The following GCC2 variants were observed in gnomAD, a reference collection of about 807,000 sequenced individuals.
GCC2 encodes GRIP and coiled-coil domain containing 2.
In GCC2, 120 loss-of-function variants were observed where a neutral mutation model predicts 210.6. That is an observed-to-expected ratio of 0.57 (90% CI 0.49 to 0.66). The LOEUF (loss-of-function observed/expected upper bound fraction) is 0.66. Among genes scored for constraint, GCC2 ranks in the 30% least tolerant of loss-of-function variants. GCC2 has a pLI of 0.00. For missense variants in GCC2, 1,868 were observed against 1,871.9 expected (o/e 1.00, Z 0.04); for synonymous variants, 703 against 652.7 (o/e 1.08, Z -1.17).
intron 22 of GCC2, among the ~76,000 whole-genome samples, chr2:108,505,166 G>A (rs576726740): frequency 6.6e-6 from 1 of 152,330 alleles, no homozygotes; most frequent in African/African-American, 2.4e-5. Context: ...CAAAATTTTT[G>A]TCAAAAATCT....
chr2:108,489,295 C>G (rs1334302098), intron 17 of GCC2, among the ~76,000 whole-genome samples: 1 of 152,222 alleles, frequency 6.6e-6, no homozygotes, highest in Non-Finnish European at 1.5e-5. Context: ...GCTGGCGGAT[C>G]ACCTGAGGTC....
rs554529809 is a variant in GCC2 at position 108,472,823 on chromosome 2, C to T, written c.2788-4C>T. 7 of 1,549,426 alleles carry T rather than the reference C, an allele frequency of 4.5e-6. No homozygotes were observed. In the South Asian group the frequency reaches 8.2e-5, roughly 18 times the overall value. ...TGTGTTTTTTTTTCCCCTGTAAAAT[C>T]TAGGATTCCTTAGCAAAATCACCTT... On this transcript the variant is annotated splice_polypyrimidine_tract_variant and splice_region_variant and intron_variant, in intron 6 of 22. Transcript: ENST00000309863.
intron 4 of GCC2, among the ~76,000 whole-genome samples, chr2:108,462,068 A>G (rs1297468843): frequency 7.0e-6 from 1 of 142,738 alleles, no homozygotes; most frequent in Non-Finnish European, 1.5e-5. Flanking sequence ...TGATCTCCTG[A>G]CCTCGTGATC....
chr2:108,457,129 G>A (rs1029301308), intron 4 of GCC2, among the ~76,000 whole-genome samples: 3 of 151,594 alleles, frequency 2.0e-5, no homozygotes, highest in East Asian at 1.9e-4. Flanking sequence ...TATAATATAA[G>A]TCTTTAATCT....
At chr2:108,456,522 C>T (rs1288075970) in intron 4 of GCC2, among the ~76,000 whole-genome samples, 2 of 152,030 alleles carry the variant, frequency 1.3e-5, no homozygotes, top group African/African-American at 4.8e-5. Context: ...ATGTCCCTTG[C>T]CTATTTTTTA....
At position 108,492,661 on chromosome 2, in the gene GCC2, C is replaced by A; in HGVS notation, c.4318C>A (p.Arg1440=). The A allele has an allele frequency of 6.2e-7, 1 of 1,613,752 alleles. No homozygotes were observed. The highest frequency in any genetic ancestry group is 8.5e-7 in the Non-Finnish European group (1 of 1,179,692). ...GCTAACATCCCAGAACGAGGTCCTT[C>A]GAAATAGCTTCCGAGATCAAGTGCG... ...SQLTSQNEVL[R]NSFRDQVRHL... The change falls in exon 19 of 23, where the codon CGA becomes AGA. Residue 1440 remains arginine (R), a synonymous_variant. Transcript: ENST00000309863.
chr2:108,455,104 C>G (rs2104409750), intron 4 of GCC2, among the ~76,000 whole-genome samples: 2 of 152,156 alleles, frequency 1.3e-5, no homozygotes, highest in South Asian at 4.2e-4. Flanking sequence ...TATCACTCAT[C>G]AATGTATTCT....
Position 108,470,989 on chromosome 2 carries a change from G to C in GCC2, c.1660G>C (p.Val554Leu), listed in dbSNP as rs763095072. ...AAAGTTACTATCTCAACAAGAATTG[G>C]TACCAGAACTTGAAAATACCATAAA... ...NEKLLSQQEL[V>L]PELENTIKNL... The change falls in exon 6 of 23, where the codon GTA becomes CTA. Residue 554 changes from valine to leucine, a missense_variant. Val to Leu is a conservative substitution (Grantham distance 32). Transcript: ENST00000309863. 4 of 1,613,140 alleles carry C rather than the reference G, an allele frequency of 2.5e-6. No homozygotes were observed. The highest frequency in any genetic ancestry group is 1.7e-5 in the Admixed American group (1 of 59,994).
chr2:108,482,333 A>G lies in GCC2; in HGVS notation c.3227A>G (p.Glu1076Gly). 6.3e-7 allele frequency: 1 copy of G among 1,587,202 alleles called. No individual in the cohort carries two copies. Among genetic ancestry groups the G allele is most frequent in the African/African-American group, 1.3e-5 (1 of 74,468 alleles). The change falls in exon 11 of 23, where the codon GAG becomes GGG. Residue 1076 changes from glutamate to glycine, a missense_variant. By Grantham distance (98) the Glu-to-Gly change is moderately conservative. Coordinates refer to ENST00000309863, the MANE Select transcript of GCC2 (RefSeq NM_181453.4). Reference sequence around the variant, plus strand: ...AATGAAGATCTCCTGGCTCGTATTGAGACATTACAGTCTAATGCCAAATTA... The same window carrying G: ...AATGAAGATCTCCTGGCTCGTATTGGGACATTACAGTCTAATGCCAAATTA... ...SDNEDLLARI[E>G]TLQSNAKLLE...
intron 13 of GCC2, among the ~76,000 whole-genome samples, chr2:108,485,329 A>G (rs1682080459): frequency 6.6e-6 from 1 of 152,016 alleles, no homozygotes; most frequent in Non-Finnish European, 1.5e-5. Flanking sequence ...AATTAAAAAA[A>G]AAAAAGAAAA....
chr2:108,478,191 T>C (rs950116871), intron 9 of GCC2, among the ~76,000 whole-genome samples: 2 of 152,084 alleles, frequency 1.3e-5, no homozygotes, highest in Non-Finnish European at 2.9e-5. Context: ...TTTAAATGGG[T>C]TTTTTAATGG....
chr2:108,501,594 C>T (rs146933736), intron 22 of GCC2, among the ~76,000 whole-genome samples: 6,010 of 151,950 alleles, frequency 0.04, 179 homozygotes, highest in Middle Eastern at 0.078. Flanking sequence ...ACATGTTCCC[C>T]ATCCCCTGTA....
In GCC2 at chr2:108,507,498, G is replaced by A. The variant is rs553567046; in HGVS notation, c.4985-62G>A. ...TTCTAAAATATAGATTTTACATTGA[G>A]AAATTTTAATACTCTCTTTTTTCTT... On this transcript the variant is annotated intron_variant, in intron 22 of 22. Transcript: ENST00000309863. 169 of 1,338,576 alleles carry A rather than the reference G, an allele frequency of 1.3e-4. 1 individual carries two copies. The African/African-American group carries it at 2.3e-3, about 18-fold the overall frequency. 82.9% of individuals were successfully genotyped at this position (1,338,576 alleles called of 1,614,324 possible).
rs1320955821 is a variant in GCC2, at chr2:108,508,031, A to T, written c.*401A>T. On this transcript the variant is annotated 3_prime_UTR_variant, in exon 23 of 23. Coordinates refer to ENST00000309863, the MANE Select transcript of GCC2 (RefSeq NM_181453.4). The stretch of plus-strand genomic sequence containing the variant: ...TAATGTTTCAAGGCCAGGTGTGGTG[A>T]TTCATGCCTGAAATCCCACTACTTT... 6.9e-6 allele frequency: 1 copy of T among 145,932 alleles called. No homozygotes were observed. The highest frequency in any genetic ancestry group is 2.5e-5 in the African/African-American group (1 of 40,586). 9.0% of individuals were successfully genotyped at this position (145,932 alleles called of 1,614,324 possible).
At chr2:108,499,938 A>G (rs1189384269) in intron 22 of GCC2, among the ~76,000 whole-genome samples, 184 bp downstream of exon 22, 7 of 152,198 alleles carry the variant, frequency 4.6e-5, no homozygotes, top group African/African-American at 1.7e-4. Context: ...ACTGTAGTAC[A>G]TTTATATAAT....
At chr2:108,482,780 C>G (rs2718699) in intron 11 of GCC2, among the ~76,000 whole-genome samples, 28,861 of 151,968 alleles carry the variant, frequency 0.19, 3,093 homozygotes, top group African/African-American at 0.27. Flanking sequence ...GGGTTCATGC[C>G]ATTCTCCTGC....
Position 108,486,614 on chromosome 2 carries a change from T to A in GCC2, c.3896T>A (p.Val1299Glu), listed in dbSNP as rs1210366792. ...QRTLSAYQQR[V>E]TALQEECRAA... Reference sequence around the variant, plus strand: ...ACGCTAAGTGCATACCAGCAGAGAGTGACAGCACTACAGGAAGAGTGCCGT... The same window carrying A: ...ACGCTAAGTGCATACCAGCAGAGAGAGACAGCACTACAGGAAGAGTGCCGT... The change falls in exon 16 of 23, where the codon GTG becomes GAG. Residue 1299 changes from valine to glutamate, a missense_variant. Coordinates refer to ENST00000309863, the MANE Select transcript of GCC2 (RefSeq NM_181453.4). 6.2e-7 allele frequency: 1 copy of A among 1,613,800 alleles called. No homozygotes were observed. The highest frequency in any genetic ancestry group is 2.2e-5 in the East Asian group (1 of 44,866).
chr2:108,467,603 T>A (rs1441883611), intron 4 of GCC2, among the ~76,000 whole-genome samples: 1 of 152,144 alleles, frequency 6.6e-6, no homozygotes, highest in Non-Finnish European at 1.5e-5. Context: ...GGCCACCTCC[T>A]GTCTTTTTAA....
intron 4 of GCC2, among the ~76,000 whole-genome samples, chr2:108,465,787 G>A (rs1207453194): frequency 6.6e-6 from 1 of 152,146 alleles, no homozygotes; most frequent in Non-Finnish European, 1.5e-5. Context: ...ATAGAAGTTT[G>A]TACTAATTTG....
Sources: gnomAD v4.1 joint callset for allele counts (sites outside exome capture counted in the v4.1 genomes callset) on GRCh38, gnomAD v4.1.1 for gene constraint, MANE v1.5 for transcripts, NCBI Gene and HGNC (gene_info 2026-07-23, HGNC 2026-07-21) for gene names.